DPY19L2: variants seen among roughly 807,000 people sequenced by gnomAD.
DPY19L2 encodes probable C-mannosyltransferase DPY19L2.
In DPY19L2, 34 loss-of-function variants were observed where a neutral mutation model predicts 97.9. The observed-to-expected ratio is 0.35, with a 90% confidence interval of 0.26 to 0.46. The LOEUF (loss-of-function observed/expected upper bound fraction) is 0.46. DPY19L2 is among the 20% of genes least tolerant of loss of function. DPY19L2 has a pLI of 1.00. For synonymous variants in DPY19L2, 230 were observed against 307.9 expected (o/e 0.75, Z 2.65); for missense variants, 623 against 911.4 (o/e 0.68, Z 4.07).
chr12:63,599,178 C>CAAAAAA (rs34866870), intron 13 of DPY19L2, among the ~76,000 whole-genome samples: 1 of 125,004 alleles, frequency 8.0e-6, no homozygotes. Context: ...TTTCAAAAAA[C>CAAAAAA]AAAAAAAAAA....
At chr12:63,623,941 T>A in intron 8 of DPY19L2, 99 bp downstream of exon 8, 1 of 866,366 alleles carries the variant, frequency 1.2e-6, no homozygotes, top group East Asian at 2.9e-5. Flanking sequence ...TGACCTCAAG[T>A]GATCCACCCA....
chr12:63,597,767 A>C, intron 14 of DPY19L2, 42 bp downstream of exon 14: 1 of 1,553,996 alleles, frequency 6.4e-7, no homozygotes, highest in Non-Finnish European at 8.8e-7. Flanking sequence ...CCTAGAGCAA[A>C]AAACTCATAT....
At chr12:63,609,728 A>G (rs952781344) in intron 11 of DPY19L2, among the ~76,000 whole-genome samples, 3 of 152,110 alleles carry the variant, frequency 2.0e-5, no homozygotes, top group African/African-American at 7.2e-5. Flanking sequence ...TACTTCACCT[A>G]CCATCTCTAC....
intron 12 of DPY19L2, 101 bp downstream of exon 12, chr12:63,608,514 TA>T: frequency 2.7e-6 from 3 of 1,113,710 alleles, no homozygotes; most frequent in Non-Finnish European, 3.9e-6. Flanking sequence ...AGCTATTTAT[TA>T]ACTATAAATC....
chr12:63,624,972 G>C (rs1005706369), intron 7 of DPY19L2, among the ~76,000 whole-genome samples: 2 of 152,154 alleles, frequency 1.3e-5, no homozygotes, highest in African/African-American at 4.8e-5. Context: ...TTGTCTTTAT[G>C]TCAGCACATT....
At chr12:63,646,034 C>T (rs1893364652) in intron 5 of DPY19L2, among the ~76,000 whole-genome samples, 1 of 152,104 alleles carries the variant, frequency 6.6e-6, no homozygotes, top group African/African-American at 2.4e-5. Context: ...TCAGTTCTCT[C>T]TTGTTTCAGG....
chr12:63,659,824 T>C (rs945532894), intron 4 of DPY19L2, among the ~76,000 whole-genome samples: 2 of 152,108 alleles, frequency 1.3e-5, no homozygotes, highest in Non-Finnish European at 2.9e-5. Flanking sequence ...ACTCAGAGAA[T>C]GGTACACTCA....
chr12:63,589,449 C>A (rs1882500547), intron 16 of DPY19L2, among the ~76,000 whole-genome samples: 1 of 123,610 alleles, frequency 8.1e-6, no homozygotes. Flanking sequence ...CTAAAACAGA[C>A]TCAAGTACAA....
chr12:63,612,756 T>C (rs1887226718), intron 11 of DPY19L2, among the ~76,000 whole-genome samples: 1 of 151,464 alleles, frequency 6.6e-6, no homozygotes, highest in African/African-American at 2.4e-5. Context: ...TTAAGAAAAT[T>C]AATAAAATTG....
chr12:63,625,564 C>T (rs910081754), intron 7 of DPY19L2, among the ~76,000 whole-genome samples: 1 of 152,136 alleles, frequency 6.6e-6, no homozygotes, highest in African/African-American at 2.4e-5. Flanking sequence ...TGAATGAATC[C>T]ATCATATTTG....
In DPY19L2 at chr12:63,606,308, C is replaced by T. The variant is rs1270530887; in HGVS notation, c.1278+2308G>A. On this transcript the variant is annotated intron_variant, in intron 12 of 21. Transcript: ENST00000324472. ...ACCTTTAATAAAATGTGAAAAAGCA[C>T]ATTTATCTTTATATTGATTTTAAAC... Among the ~76,000 whole-genome samples the T allele has an allele frequency of 2.6e-5, 4 of 152,098 alleles. No homozygotes were observed. The East Asian group carries it at 7.7e-4, about 29-fold the overall frequency.
chr12:63,616,269 T>C (rs1887804747), intron 11 of DPY19L2, among the ~76,000 whole-genome samples: 2 of 152,130 alleles, frequency 1.3e-5, no homozygotes, highest in South Asian at 4.1e-4. Context: ...TATTTCAAAA[T>C]AAAAAAGTTT....
At position 63,597,913 on chromosome 12, in the gene DPY19L2, G is replaced by A. The variant is rs1378833402; in HGVS notation, c.1360-3C>T. 6.3e-7 allele frequency: 1 copy of A among 1,580,966 alleles called. No homozygotes were observed. The highest frequency in any genetic ancestry group is 2.3e-5 in the East Asian group (1 of 44,416). On this transcript the variant is annotated splice_region_variant and splice_polypyrimidine_tract_variant and intron_variant, in intron 13 of 21. Transcript: ENST00000324472. ...GCTATAAGATCACTCAGGCGAATCT[G>A]GGAGAAAATAAAGTAAAATGAATTA...
chr12:63,579,616 T>G (rs1173380802), intron 19 of DPY19L2, among the ~76,000 whole-genome samples: 2 of 152,124 alleles, frequency 1.3e-5, no homozygotes, highest in African/African-American at 4.8e-5. Flanking sequence ...GGCAGCTATT[T>G]TTAAAAGCTT....
chr12:63,609,448 G>C (rs1274918233), intron 11 of DPY19L2, among the ~76,000 whole-genome samples: 1 of 152,082 alleles, frequency 6.6e-6, no homozygotes, highest in African/African-American at 2.4e-5. Context: ...TCATGAGGGT[G>C]AAACCCTCAT....
intron 12 of DPY19L2, among the ~76,000 whole-genome samples, chr12:63,604,689 G>GT: frequency 6.6e-6 from 1 of 151,904 alleles, no homozygotes; most frequent in East Asian, 1.9e-4. Context: ...TCACCAAGTT[G>GT]TTCTTTCTTA....
At chr12:63,651,277 G>A (rs1434594894) in intron 4 of DPY19L2, among the ~76,000 whole-genome samples, 1 of 152,062 alleles carries the variant, frequency 6.6e-6, no homozygotes, top group East Asian at 1.9e-4. Context: ...AGACTGAAAC[G>A]TAAAACCTAA....
intron 10 of DPY19L2, 131 bp from the exon 11 acceptor site, chr12:63,617,521 A>G (rs1345685024): frequency 3.5e-6 from 2 of 575,724 alleles, no homozygotes; most frequent in Non-Finnish European, 6.0e-6. Flanking sequence ...CCAAATGATA[A>G]CAGAATTTCA....
chr12:63,668,530 G>T (rs1454560051), upstream of DPY19L2: 4 of 920,242 alleles, frequency 4.3e-6, no homozygotes, highest in Non-Finnish European at 6.3e-6. Context: ...CGGTCGTCAT[G>T]GCGACTGTGA....
Sources: allele counts gnomAD v4.1 joint callset (sites outside exome capture counted in the v4.1 genomes callset), GRCh38; gene constraint gnomAD v4.1.1; transcripts MANE v1.5; gene names NCBI Gene and HGNC (gene_info 2026-07-23, HGNC 2026-07-21).